Variants in MBD5 observed in about 807,000 individuals in gnomAD.
MBD5 encodes methyl-CpG-binding domain protein 5.
A neutral mutation model predicts 117.3 loss-of-function variants in MBD5; 13 were observed. The ratio of observed to expected loss-of-function variants is 0.11; its 90% confidence interval spans 0.07 to 0.18. MBD5 has a LOEUF of 0.18. Among genes scored for constraint, MBD5 ranks in the 10% least tolerant of loss-of-function variants. MBD5 has a pLI of 1.00. For missense variants in MBD5, 1,879 were observed against 2,093.8 expected, an observed-to-expected ratio of 0.90 and a Z score of 2.00; for synonymous variants, 727 against 766.4, an observed-to-expected ratio of 0.95 and a Z score of 0.85.
intron 3 of MBD5, among the ~76,000 whole-genome samples, chr2:148,305,299 A>G (rs1030296418): frequency 1.3e-5 from 2 of 152,186 alleles, no homozygotes; most frequent in Non-Finnish European, 2.9e-5. Context: ...TGTTCAAAGG[A>G]AAGAAGAGTC....
chr2:148,421,737 T>A (rs1705614238), intron 4 of MBD5, among the ~76,000 whole-genome samples: 1 of 152,124 alleles, frequency 6.6e-6, no homozygotes, highest in African/African-American at 2.4e-5. Context: ...ACACTCGAGC[T>A]TGGTGGAGAG....
At chr2:148,114,285 C>G (rs548341599) in intron 1 of MBD5, among the ~76,000 whole-genome samples, 3 of 152,020 alleles carry the variant, frequency 2.0e-5, no homozygotes, top group Admixed American at 6.6e-5. Flanking sequence ...GCCTGGCCAA[C>G]GTGGTGAAAG....
intron 2 of MBD5, among the ~76,000 whole-genome samples, chr2:148,222,014 C>G (rs1699697305): frequency 6.6e-6 from 1 of 152,118 alleles, no homozygotes; most frequent in Admixed American, 6.5e-5. Flanking sequence ...ATTGAAGAGA[C>G]TGTCTTTTCC....
intron 3 of MBD5, among the ~76,000 whole-genome samples, chr2:148,268,450 A>C (rs1020971166): frequency 6.6e-6 from 1 of 151,200 alleles, no homozygotes; most frequent in Non-Finnish European, 1.5e-5. Context: ...TTTTATTTTT[A>C]TTGTATACTT....
At chr2:148,037,482 T>C (rs886829790) in intron 1 of MBD5, among the ~76,000 whole-genome samples, 5 of 151,982 alleles carry the variant, frequency 3.3e-5, no homozygotes, top group African/African-American at 9.7e-5. Context: ...TACATATGCT[T>C]TTTTAAAGTT....
chr2:148,341,086 G>C lies in MBD5; in HGVS notation c.-679-1128G>C, dbSNP rs73015121. 4.9e-3 allele frequency among the ~76,000 whole-genome samples: 740 copies of C among 152,060 alleles called. 7 individuals carry two copies. Among genetic ancestry groups the C allele is most frequent in the African/African-American group, 0.017 (691 of 41,518 alleles). On this transcript the variant is annotated intron_variant, in intron 3 of 13. Transcript: ENST00000642680. ...GACCCCACTTGAAAGTAAGTGGCCT[G>C]TATAGCTACAATCTGTGTTTGAGGA...
chr2:148,166,395 C>A (rs550408207), intron 1 of MBD5, among the ~76,000 whole-genome samples: 1 of 152,162 alleles, frequency 6.6e-6, no homozygotes, highest in African/African-American at 2.4e-5. Context: ...TAAAAGATAG[C>A]TGTTTCTAGA....
chr2:148,490,117 A>T lies in MBD5; in HGVS notation c.4485A>T (p.Glu1495Asp). 6.2e-7 allele frequency: 1 copy of T among 1,614,030 alleles called. No individual in the cohort carries two copies. Among genetic ancestry groups the T allele is most frequent in the Non-Finnish European group, 8.5e-7 (1 of 1,179,998 alleles). Residue 1495 changes from glutamate to aspartate, a missense_variant, in exon 11 of 14, where the codon GAA becomes GAT. By Grantham distance (45) the Glu-to-Asp change is conservative. Transcript: ENST00000642680. ...RNCPGDKILE[E>D]NFRYNNYKRT... Reference sequence around the variant, plus strand: ...GTCCAGGGGATAAAATTCTAGAGGAAAATTTCAGGTATAATAACTACAAAA... The same window carrying T: ...GTCCAGGGGATAAAATTCTAGAGGATAATTTCAGGTATAATAACTACAAAA...
chr2:148,292,904 G>A (rs891707541), intron 3 of MBD5, among the ~76,000 whole-genome samples: 3 of 151,332 alleles, frequency 2.0e-5, no homozygotes, highest in South Asian at 2.1e-4. Flanking sequence ...AAAAAAAAAA[G>A]GGATCCAATC....
At chr2:148,313,508 C>A (rs2106539614) in intron 3 of MBD5, among the ~76,000 whole-genome samples, 1 of 152,290 alleles carries the variant, frequency 6.6e-6, no homozygotes, top group South Asian at 2.1e-4. Flanking sequence ...GCTCGAGCCT[C>A]CCAGGTTGAC....
chr2:148,170,300 A>G (rs184818335), intron 1 of MBD5, among the ~76,000 whole-genome samples: 2 of 152,340 alleles, frequency 1.3e-5, no homozygotes, highest in East Asian at 3.9e-4. Context: ...TAAACCTACT[A>G]ATAGTCTGAA....
intron 1 of MBD5, chr2:148,071,690 CTT>C (rs1695362854): frequency 6.6e-6 from 1 of 152,194 alleles, no homozygotes; most frequent in Non-Finnish European, 1.5e-5. Flanking sequence ...CGTTTATCCT[CTT>C]AAGTTTTCTC....
Position 148,469,261 on chromosome 2 carries a change from A to G in MBD5, c.1318A>G (p.Thr440Ala), listed in dbSNP as rs758638900. The G allele has an allele frequency of 1.2e-6, 2 of 1,613,860 alleles. No individual in the cohort carries two copies. Among genetic ancestry groups the G allele is most frequent in the Admixed American group, 3.3e-5 (2 of 59,960 alleles). The change falls in exon 8 of 14, where the codon ACA becomes GCA. Residue 440 changes from threonine to alanine, a missense_variant. Thr to Ala is a moderately conservative substitution (Grantham distance 58, BLOSUM62 0). Transcript: ENST00000642680. ...AACCTCCCTGTCCCCTTCTCCAGTGACATCCCCCGTGCACATGATGGGGAC... is the reference window on the plus strand; with the variant it reads ...AACCTCCCTGTCCCCTTCTCCAGTGGCATCCCCCGTGCACATGATGGGGAC... ...ASTSLSPSPV[T>A]SPVHMMGTGI...
intron 12 of MBD5, among the ~76,000 whole-genome samples, chr2:148,508,279 A>G (rs953868958): frequency 5.9e-5 from 9 of 152,242 alleles, no homozygotes; most frequent in Admixed American, 2.0e-4. Context: ...CAGTACATAC[A>G]TAATAAAAAA....
chr2:148,340,214 T>C (rs558303047), intron 3 of MBD5, among the ~76,000 whole-genome samples: 4 of 152,282 alleles, frequency 2.6e-5, no homozygotes, highest in African/African-American at 9.6e-5. Context: ...TGCCAGAAGG[T>C]AAACAAATTA....
intron 1 of MBD5, chr2:148,041,333 C>T (rs967196009): frequency 6.6e-6 from 1 of 152,164 alleles, no homozygotes; most frequent in African/African-American, 2.4e-5. Flanking sequence ...CTTCTGGATC[C>T]TCAGCTTCAA....
At chr2:148,207,965 A>C (rs1264924752) in intron 2 of MBD5, among the ~76,000 whole-genome samples, 1 of 152,130 alleles carries the variant, frequency 6.6e-6, no homozygotes, top group African/African-American at 2.4e-5. Context: ...TAATGCAAAA[A>C]ATAATTATTT....
At chr2:148,416,918 G>C (rs930430707) in intron 4 of MBD5, among the ~76,000 whole-genome samples, 1 of 152,118 alleles carries the variant, frequency 6.6e-6, no homozygotes, top group Non-Finnish European at 1.5e-5. Flanking sequence ...ATCACCTCCA[G>C]TTCCATCCAA....
At chr2:148,389,249 AACATATAT>A (rs1704480931) in intron 4 of MBD5, among the ~76,000 whole-genome samples, 1 of 32,324 alleles carries the variant, frequency 3.1e-5, no homozygotes, top group Non-Finnish European at 5.7e-5. Flanking sequence ...AGGAAAAAAA[AACATATAT>A]ATATATATAT....
Sources: gnomAD v4.1 joint callset for allele counts (sites outside exome capture counted in the v4.1 genomes callset) on GRCh38, gnomAD v4.1.1 for gene constraint, MANE v1.5 for transcripts, NCBI Gene and HGNC (gene_info 2026-07-23, HGNC 2026-07-21) for gene names.